The following SP4 variants were observed in gnomAD, a reference collection of about 807,000 sequenced individuals.
The protein encoded by SP4 is Sp4 transcription factor.
A neutral mutation model predicts 72.8 loss-of-function variants in SP4; 19 were observed. That is an observed-to-expected ratio of 0.26 (90% CI 0.18 to 0.38). The LOEUF is 0.38. Among genes scored for constraint, SP4 ranks in the 10% least tolerant of loss-of-function variants. The pLI is 1.00. For synonymous variants in SP4, 395 were observed against 333.1 expected, an observed-to-expected ratio of 1.19 and a Z score of -2.02; for missense variants, 1,008 against 926.3, an observed-to-expected ratio of 1.09 and a Z score of -1.14.
rs754638505 is a variant in SP4 at position 21,513,290 on chromosome 7, T to C, written c.*2021T>C. On this transcript the variant is annotated 3_prime_UTR_variant, in exon 6 of 6. Transcript: ENST00000222584. Reference sequence around the variant, plus strand: ...AGTTTGTATAAAAAAGCTTTGAGATTAAAGGAAAAAAAAAATTTTTACACT... The same window carrying C: ...AGTTTGTATAAAAAAGCTTTGAGATCAAAGGAAAAAAAAAATTTTTACACT... 9 of 151,940 alleles carry C rather than the reference T, an allele frequency of 5.9e-5. No individual in the cohort carries two copies. In the South Asian group the frequency reaches 1.9e-3, roughly 31 times the overall value. 9.4% of individuals were successfully genotyped at this position (151,940 alleles called of 1,614,324 possible).
In SP4 at chr7:21,428,591, G is replaced by C. The variant is rs1039380514; in HGVS notation, c.8-86G>C. On this transcript the variant is annotated intron_variant, in intron 1 of 5. Coordinates refer to ENST00000222584, the MANE Select transcript of SP4 (RefSeq NM_003112.5). Reference sequence around the variant, plus strand: ...TATGGAGATTAATGTTCGGGGGGAGGGGGGAGAAGAGGAGAGGAAGAAGAC... The same window carrying C: ...TATGGAGATTAATGTTCGGGGGGAGCGGGGAGAAGAGGAGAGGAAGAAGAC... The C allele has an allele frequency of 6.1e-6, 8 of 1,316,130 alleles. 1 individual carries two copies. In the South Asian group the frequency reaches 7.0e-5, roughly 12 times the overall value. 81.5% of individuals were successfully genotyped at this position (1,316,130 alleles called of 1,614,324 possible).
chr7:21,469,508 A>G (rs1026874239), intron 3 of SP4, among the ~76,000 whole-genome samples: 1 of 151,506 alleles, frequency 6.6e-6, no homozygotes, highest in Non-Finnish European at 1.5e-5. Flanking sequence ...GAGAAATCTT[A>G]GCCTATTCCC....
chr7:21,429,624 C>T lies in SP4; in HGVS notation c.459C>T (p.Val153=). 3 of 1,614,062 alleles carry T rather than the reference C, an allele frequency of 1.9e-6. 1 individual carries two copies. Among genetic ancestry groups the T allele is most frequent in the Non-Finnish European group, 2.5e-6 (3 of 1,179,938 alleles). The part of the protein sequence containing the change: ...GNSSTPGQFQ[V]IQVQNPSGSV... ...CTTCCACCCCTGGTCAATTTCAAGT[C>T]ATACAAGTACAAAATCCAAGTGGTA... The change falls in exon 3 of 6, where the codon GTC becomes GTT. Residue 153 remains valine (V), a synonymous_variant. Transcript: ENST00000222584.
chr7:21,489,605 G>A (rs1784919870), intron 5 of SP4, among the ~76,000 whole-genome samples: 1 of 141,818 alleles, frequency 7.1e-6, no homozygotes, highest in Admixed American at 7.5e-5. Context: ...TGTCACCCAG[G>A]CTGGAGTGCA....
At chr7:21,473,797 C>T (rs958505583) in intron 3 of SP4, among the ~76,000 whole-genome samples, 1 of 152,070 alleles carries the variant, frequency 6.6e-6, no homozygotes, top group African/African-American at 2.4e-5. Flanking sequence ...ATTTGAGGGC[C>T]AGAAGAGAGG....
In SP4 at chr7:21,493,621, A is replaced by G. The variant is rs537275802; in HGVS notation, c.2107+11498A>G. ...AAAATGGAACAACTCCTTGAAAGAT[A>G]CAAGCTACCAACACTGGCTCAAGAA... is the stretch of plus-strand genomic sequence containing the variant. On this transcript the variant is annotated intron_variant, in intron 5 of 5. Coordinates refer to ENST00000222584, the MANE Select transcript of SP4 (RefSeq NM_003112.5). 9.2e-5 allele frequency among the ~76,000 whole-genome samples: 14 copies of G among 152,342 alleles called. No individual in the cohort carries two copies. The South Asian group carries it at 2.9e-3, about 32-fold the overall frequency.
chr7:21,431,434 T>C, intron 3 of SP4, among the ~76,000 whole-genome samples: 1 of 152,238 alleles, frequency 6.6e-6, no homozygotes, highest in South Asian at 2.1e-4. Context: ...CCTACTTTTA[T>C]GCTACTATCA....
intron 5 of SP4, among the ~76,000 whole-genome samples, chr7:21,493,642 A>C (rs1785034239): frequency 6.6e-6 from 1 of 152,232 alleles, no homozygotes; most frequent in African/African-American, 2.4e-5. Flanking sequence ...ACACTGGCTC[A>C]AGAAGAGATA....
intron 3 of SP4, among the ~76,000 whole-genome samples, chr7:21,474,029 G>T (rs1784421586): frequency 6.6e-6 from 1 of 152,140 alleles, no homozygotes; most frequent in Non-Finnish European, 1.5e-5. Context: ...AATATAATTT[G>T]CCTCTGTTAT....
At chr7:21,460,725 A>G (rs911246682) in intron 3 of SP4, among the ~76,000 whole-genome samples, 2 of 152,172 alleles carry the variant, frequency 1.3e-5, no homozygotes, top group African/African-American at 2.4e-5. Flanking sequence ...CCTGAGCTAG[A>G]CACAAAAGTT....
chr7:21,446,828 T>TG (rs1437663942), intron 3 of SP4, among the ~76,000 whole-genome samples: 1 of 151,880 alleles, frequency 6.6e-6, no homozygotes, highest in Non-Finnish European at 1.5e-5. Context: ...AAATTCTTTT[T>TG]TTTTTTTCTT....
At chr7:21,436,106 C>T (rs1002789947) in intron 3 of SP4, among the ~76,000 whole-genome samples, 3 of 152,070 alleles carry the variant, frequency 2.0e-5, no homozygotes, top group Non-Finnish European at 4.4e-5. Context: ...GCCATGTTGG[C>T]CAGGCTGGTC....
chr7:21,443,866 A>G (rs1331565393), intron 3 of SP4, among the ~76,000 whole-genome samples: 2 of 152,258 alleles, frequency 1.3e-5, no homozygotes, highest in African/African-American at 4.8e-5. Flanking sequence ...TTAAATCTAC[A>G]TATGAACCAG....
At chr7:21,443,673 G>A (rs2128395608) in intron 3 of SP4, among the ~76,000 whole-genome samples, 1 of 152,316 alleles carries the variant, frequency 6.6e-6, no homozygotes, top group South Asian at 2.1e-4. Flanking sequence ...CCTGGTGTGG[G>A]GCTGGGAAAG....
intron 5 of SP4, among the ~76,000 whole-genome samples, chr7:21,500,551 G>A (rs900104973): frequency 6.6e-6 from 1 of 152,114 alleles, no homozygotes; most frequent in African/African-American, 2.4e-5. Context: ...TTCCAAAGTC[G>A]TTTGAATTGT....
chr7:21,510,856 C>G (rs1310350615), intron 5 of SP4, among the ~76,000 whole-genome samples, 166 bp from the exon 6 acceptor site: 1 of 152,200 alleles, frequency 6.6e-6, no homozygotes, highest in Admixed American at 6.5e-5. Flanking sequence ...CATGGTCTTT[C>G]TCTTTGCATT....
intron 5 of SP4, among the ~76,000 whole-genome samples, chr7:21,483,793 T>C (rs1330071638): frequency 6.6e-6 from 1 of 151,662 alleles, no homozygotes; most frequent in Non-Finnish European, 1.5e-5. Context: ...CTTTCTTTAT[T>C]TTTTTTTCTT....
At chr7:21,428,324 T>A (rs1782692826) in intron 1 of SP4, 66 bp downstream of exon 1, 2 of 784,756 alleles carry the variant, frequency 2.5e-6, no homozygotes, top group Non-Finnish European at 4.5e-6. Flanking sequence ...CCCCAGACCC[T>A]GCTCGGTTCT....
chr7:21,429,301 T>C lies in SP4; in HGVS notation c.136T>C (p.Ser46Pro), dbSNP rs1300100636. 6.3e-7 allele frequency: 1 copy of C among 1,577,570 alleles called. No homozygotes were observed. The highest frequency in any genetic ancestry group is 1.7e-5 in the Admixed American group (1 of 58,438). ...KTSGSQDSQPSPLALLAATCS... is the reference protein window; with the variant it reads ...KTSGSQDSQPPPLALLAATCS... Reference sequence around the variant, plus strand: ...CCATTTTGGGTAGGACTCTCAGCCCTCTCCTCTGGCTTTACTGGCAGCTAC... The same window carrying C: ...CCATTTTGGGTAGGACTCTCAGCCCCCTCCTCTGGCTTTACTGGCAGCTAC... Residue 46 changes from serine to proline, a missense_variant, in exon 3 of 6, where the codon TCT (serine) becomes CCT (proline). Physicochemically the swap from Ser to Pro is moderately conservative, Grantham distance 74. Around this residue, in one of 3 missense-constraint regions of SP4, gnomAD observed 893 missense variants for 743.3 expected, o/e 1.20. Coordinates refer to ENST00000222584, the MANE Select transcript of SP4 (RefSeq NM_003112.5).
Sources: allele counts gnomAD v4.1 joint callset (sites outside exome capture counted in the v4.1 genomes callset), GRCh38; gene constraint gnomAD v4.1.1; regional missense constraint gnomAD v4.1.1; transcripts MANE v1.5; gene names NCBI Gene and HGNC (gene_info 2026-07-23, HGNC 2026-07-21).